Variants in ZNF385D observed in about 807,000 individuals in gnomAD.
ZNF385D encodes zinc finger protein 659.
Under a neutral mutation model 35.8 loss-of-function variants are expected in ZNF385D, and 15 were observed. The ratio of observed to expected loss-of-function variants is 0.42; its 90% CI spans 0.28 to 0.64. ZNF385D has a LOEUF of 0.64. Ranked by LOEUF, ZNF385D falls within the 30% of genes least tolerant of loss-of-function variation. The pLI, the probability that ZNF385D is intolerant of heterozygous loss-of-function variation, is 0.23. For missense variants in ZNF385D, 474 were observed against 494.6 expected (o/e 0.96, Z 0.39); for synonymous variants, 212 against 186.8 (o/e 1.13, Z -1.10).
At chr3:21,839,594 T>G (rs1482126769) in intron 3 of ZNF385D, among the ~76,000 whole-genome samples, 3 of 152,088 alleles carry the variant, frequency 2.0e-5, no homozygotes, top group African/African-American at 7.2e-5. Flanking sequence ...GCCGACAATT[T>G]CAGTTGCTTA....
intron 3 of ZNF385D, among the ~76,000 whole-genome samples, chr3:21,960,113 C>G (rs1275259934): frequency 1.3e-5 from 2 of 149,268 alleles, no homozygotes; most frequent in African/African-American, 4.9e-5. Flanking sequence ...GAAAAAAAAT[C>G]TGTAGAAGGG....
intron 2 of ZNF385D, among the ~76,000 whole-genome samples, chr3:22,182,127 C>A (rs1412300670): frequency 6.6e-6 from 1 of 152,118 alleles, no homozygotes; most frequent in African/African-American, 2.4e-5. Flanking sequence ...AAATTGTGAG[C>A]TAATAAATGT....
intron 2 of ZNF385D, among the ~76,000 whole-genome samples, chr3:21,653,354 C>CTT (rs34165620): frequency 6.6e-6 from 1 of 151,576 alleles, no homozygotes; most frequent in Admixed American, 6.6e-5. Context: ...TATATTGTTT[C>CTT]TTTTTTTGCT....
At chr3:21,736,456 A>T (rs570419796) in intron 1 of ZNF385D, among the ~76,000 whole-genome samples, 1 of 152,324 alleles carries the variant, frequency 6.6e-6, no homozygotes, top group East Asian at 1.9e-4. Context: ...ATGCCCACCG[A>T]CTGTTTAAAG....
chr3:21,829,862 G>T (rs996613273), intron 3 of ZNF385D, among the ~76,000 whole-genome samples: 1 of 152,066 alleles, frequency 6.6e-6, no homozygotes, highest in Non-Finnish European at 1.5e-5. Context: ...TGGGGCTTAC[G>T]CCTGTCATCT....
At chr3:22,364,415 C>G (rs999439056) in intron 2 of ZNF385D, among the ~76,000 whole-genome samples, 25 of 151,904 alleles carry the variant, frequency 1.6e-4, no homozygotes, top group African/African-American at 5.8e-4. Flanking sequence ...AACAACAAAG[C>G]AACCTGATTA....
chr3:21,902,242 T>A (rs1699450415), intron 3 of ZNF385D, among the ~76,000 whole-genome samples: 1 of 152,216 alleles, frequency 6.6e-6, no homozygotes, highest in African/African-American at 2.4e-5. Context: ...CATCATGGTC[T>A]CAAGGGCTCA....
intron 5 of ZNF385D, among the ~76,000 whole-genome samples, chr3:21,434,169 AAC>A (rs1217435278): frequency 1.3e-5 from 2 of 152,184 alleles, no homozygotes; most frequent in African/African-American, 4.8e-5. Flanking sequence ...CCAGAAGTCT[AAC>A]AGTTTCATTT....
chr3:21,651,529 CTT>C (rs932321629), intron 2 of ZNF385D, among the ~76,000 whole-genome samples: 39 of 142,674 alleles, frequency 2.7e-4, no homozygotes, highest in Non-Finnish European at 1.2e-4. Flanking sequence ...TTTTCTTTCT[CTT>C]TTTTTTTTTC....
rs1247696027 is a variant in ZNF385D at position 21,539,818 on chromosome 3, A to G, written c.276+24756T>C. Among the ~76,000 whole-genome samples the G allele has an allele frequency of 6.6e-6, 1 of 152,152 alleles. No homozygotes were observed. The highest frequency in any genetic ancestry group is 1.5e-5 in the Non-Finnish European group (1 of 68,000). The stretch of plus-strand genomic sequence containing the variant: ...TCTTAAGAAATATGGGTTGGCTTGG[A>G]GAAATAAGAAATATTTTTACTACAA... On this transcript the variant is annotated intron_variant, in intron 3 of 7. Coordinates refer to ENST00000281523, the MANE Select transcript of ZNF385D (RefSeq NM_024697.3). The surrounding 1 kb of genome is among the most constrained non-coding windows in gnomAD (Gnocchi z 4.0).
chr3:22,079,002 A>G (rs188933450), intron 3 of ZNF385D, among the ~76,000 whole-genome samples: 1 of 152,196 alleles, frequency 6.6e-6, no homozygotes, highest in Non-Finnish European at 1.5e-5. Flanking sequence ...TTGGAAGGTC[A>G]AAAACTCTTA....
At chr3:21,718,809 C>T (rs150722500) in intron 1 of ZNF385D, among the ~76,000 whole-genome samples, 4 of 152,184 alleles carry the variant, frequency 2.6e-5, no homozygotes, top group African/African-American at 9.7e-5. Flanking sequence ...CTGACAATCA[C>T]AACTGAATCA....
rs536999326 is a variant in ZNF385D, at chr3:21,414,945, C to T, written c.*6269G>A. ...ACATCATAAGAGACATAAAGCATCT[C>T]ACGAAGGGTCTTTATCCAATATTAG... On this transcript the variant is annotated 3_prime_UTR_variant, in exon 8 of 8. Transcript: ENST00000281523. 2.0e-5 allele frequency: 3 copies of T among 152,218 alleles called. No homozygotes were observed. The highest frequency in any genetic ancestry group is 2.1e-4 in the South Asian group (1 of 4,834). 9.4% of individuals were successfully genotyped at this position (152,218 alleles called of 1,614,324 possible).
chr3:22,033,157 T>C (rs932266089), intron 3 of ZNF385D, among the ~76,000 whole-genome samples: 11 of 152,014 alleles, frequency 7.2e-5, no homozygotes, highest in African/African-American at 2.7e-4. Flanking sequence ...ACCCTAGCAC[T>C]TTAGGAGGCT....
At chr3:21,670,391 G>C (rs1419166446) in intron 1 of ZNF385D, among the ~76,000 whole-genome samples, 1 of 151,722 alleles carries the variant, frequency 6.6e-6, no homozygotes, top group South Asian at 2.1e-4. Flanking sequence ...AAATCATACA[G>C]AGCATTTTGT....
At chr3:22,030,278 T>TATATCCTATACAAATAAATAGG (rs1553591293) in intron 3 of ZNF385D, among the ~76,000 whole-genome samples, 1 of 110,472 alleles carries the variant, frequency 9.1e-6, no homozygotes, top group Admixed American at 9.7e-5. Context: ...TATATATATA[T>TATATCCTATACAAATAAATAGG]ATATATATAT....
intron 3 of ZNF385D, among the ~76,000 whole-genome samples, chr3:21,852,825 A>G (rs542450031): frequency 6.6e-6 from 1 of 151,890 alleles, no homozygotes; most frequent in Non-Finnish European, 1.5e-5. Context: ...ATTGAAAAAG[A>G]GTGAGACTTG....
At chr3:21,698,139 C>T (rs2067536878) in intron 1 of ZNF385D, among the ~76,000 whole-genome samples, 1 of 152,148 alleles carries the variant, frequency 6.6e-6, no homozygotes, top group Non-Finnish European at 1.5e-5. Context: ...AAAAAAGACA[C>T]CTGCACACAT....
At chr3:22,077,664 C>G (rs1210489623) in intron 3 of ZNF385D, among the ~76,000 whole-genome samples, 1 of 151,878 alleles carries the variant, frequency 6.6e-6, no homozygotes, top group African/African-American at 2.4e-5. Flanking sequence ...TGTTTTGGTT[C>G]ACATGTAATG....
Sources: gnomAD v4.1 joint callset for allele counts (sites outside exome capture counted in the v4.1 genomes callset) on GRCh38, gnomAD v4.1.1 for gene constraint, Gnocchi (gnomAD v3.1) non-coding constraint, MANE v1.5 for transcripts, NCBI Gene and HGNC (gene_info 2026-07-23, HGNC 2026-07-21) for gene names.